Variants in PHF10 observed in about 807,000 individuals in gnomAD.
PHF10 encodes BRG1-associated factor 45a.
A neutral mutation model predicts 68.5 loss-of-function variants in PHF10; 51 were observed. That is an observed-to-expected ratio of 0.74 (90% confidence interval 0.59 to 0.94). The LOEUF is 0.94. Ranked by LOEUF, PHF10 falls within the 40% of genes least tolerant of loss-of-function variation. The pLI, the probability that PHF10 is intolerant of heterozygous loss-of-function variation, is 0.00. For synonymous variants in PHF10, 204 were observed against 203.5 expected (o/e 1.00, Z -0.02); for missense variants, 460 against 602.6 (o/e 0.76, Z 2.48).
chr6:169,720,216 T>C (rs555773864), intron 2 of PHF10, among the ~76,000 whole-genome samples: 2 of 152,294 alleles, frequency 1.3e-5, no homozygotes, highest in Admixed American at 1.3e-4. Flanking sequence ...CTGGTAGGAA[T>C]GTAAATTGGT....
chr6:169,707,541 A>G (rs866595961), intron 9 of PHF10: 30 of 152,096 alleles, frequency 2.0e-4, no homozygotes, highest in Admixed American at 1.8e-3. Flanking sequence ...TAAATACTCT[A>G]ATATCTTTCA....
chr6:169,708,740 TTC>T (rs1397913122), intron 9 of PHF10: 2 of 152,268 alleles, frequency 1.3e-5, no homozygotes, highest in South Asian at 4.1e-4. Flanking sequence ...TATTTCAATA[TTC>T]TCTCTTTTTA....
intron 2 of PHF10, among the ~76,000 whole-genome samples, chr6:169,719,922 T>C (rs936273104): frequency 1.3e-4 from 19 of 151,948 alleles, no homozygotes; most frequent in African/African-American, 3.9e-4. Context: ...GTGTAAATCA[T>C]ATTTTTGATG....
At chr6:169,713,002 A>T (rs1056012434) in intron 7 of PHF10, among the ~76,000 whole-genome samples, 1 of 152,232 alleles carries the variant, frequency 6.6e-6, no homozygotes, top group South Asian at 2.1e-4. Flanking sequence ...ATGGTACATG[A>T]TATTACTTAA....
At chr6:169,706,662 G>A (rs761074194) in intron 9 of PHF10, among the ~76,000 whole-genome samples, 55 of 150,374 alleles carry the variant, frequency 3.7e-4, no homozygotes, top group Non-Finnish European at 6.9e-4. Context: ...AAATAACAGT[G>A]GTAAAAAAGG....
At chr6:169,710,486 T>G in intron 8 of PHF10, 95 bp from the exon 9 acceptor site, 1 of 871,834 alleles carries the variant, frequency 1.1e-6, no homozygotes, top group Non-Finnish European at 1.8e-6. Context: ...AAGAAAGTTT[T>G]AAAGCTTTAT....
intron 11 of PHF10, chr6:169,704,298 G>A (rs1275577458): frequency 5.9e-6 from 3 of 505,616 alleles, no homozygotes; most frequent in Non-Finnish European, 1.1e-5. Flanking sequence ...GCAAGTCAAG[G>A]GGGATGGGAG....
At chr6:169,717,957 T>C (rs777841467) in intron 3 of PHF10, 51 bp from the exon 4 acceptor site, 11 of 797,444 alleles carry the variant, frequency 1.4e-5, no homozygotes, top group Middle Eastern at 5.4e-4. Flanking sequence ...CCTTATGCAC[T>C]TGTAAAACTT....
chr6:169,722,828 T>G (rs1180506622), intron 1 of PHF10, among the ~76,000 whole-genome samples: 1 of 152,218 alleles, frequency 6.6e-6, no homozygotes, highest in Non-Finnish European at 1.5e-5. Flanking sequence ...CATCACATCC[T>G]TCCTAGGGCT....
chr6:169,714,675 A>G, intron 7 of PHF10, 58 bp downstream of exon 7: 1 of 849,886 alleles, frequency 1.2e-6, no homozygotes. Context: ...CAAGTACAAA[A>G]GGCTCTGAAA....
intron 7 of PHF10, among the ~76,000 whole-genome samples, chr6:169,712,970 T>G (rs1425461265): frequency 6.6e-6 from 1 of 152,194 alleles, no homozygotes; most frequent in Non-Finnish European, 1.5e-5. Flanking sequence ...ACTTATTTAA[T>G]GCATACATAT....
rs1285066611 is a variant in PHF10, at chr6:169,721,012, C to G, written c.187G>C (p.Asp63His). ...SSRSCETSSQ[D>H]LGFSYYPAEN... Reference sequence around the variant, plus strand: ...CCGATAAAATGACAGTACCCAAGATCTTGACTTGAAGTTTCACAACTCCTA... The same window carrying G: ...CCGATAAAATGACAGTACCCAAGATGTTGACTTGAAGTTTCACAACTCCTA... The change falls in exon 2 of 12, where the codon GAT (aspartate) becomes CAT (histidine). Residue 63 changes from aspartate (D) to histidine (H), a missense_variant. Physicochemically the swap from Asp to His is moderately conservative, Grantham distance 81. This residue lies in a region of PHF10 where 93 missense variants were observed against 82.4 expected (regional missense o/e 1.13). Transcript: ENST00000339209. 5 of 1,528,720 alleles carry G rather than the reference C, an allele frequency of 3.3e-6. No individual in the cohort carries two copies. Among genetic ancestry groups the G allele is most frequent in the East Asian group, 4.9e-5 (2 of 40,818 alleles). The allele number at this position is 1,528,720 out of a possible 1,614,324, so 94.7% of individuals were successfully genotyped here.
chr6:169,712,668 T>C, intron 7 of PHF10, 129 bp from the exon 8 acceptor site: 1 of 655,068 alleles, frequency 1.5e-6, no homozygotes, highest in South Asian at 2.8e-5. Flanking sequence ...AGAGTACTAA[T>C]TTTTCATTTT....
chr6:169,711,280 T>A (rs575085081), intron 8 of PHF10, among the ~76,000 whole-genome samples: 3 of 152,328 alleles, frequency 2.0e-5, no homozygotes, highest in African/African-American at 7.2e-5. Flanking sequence ...GTGCATTTTC[T>A]CACAATCATT....
intron 9 of PHF10, among the ~76,000 whole-genome samples, chr6:169,706,736 AC>A: frequency 2.2e-5 from 1 of 44,784 alleles, no homozygotes; most frequent in Admixed American, 2.2e-4. Context: ...ATACACACAC[AC>A]ACACACACAC....
intron 2 of PHF10, 63 bp downstream of exon 2, chr6:169,720,942 A>G (rs909310120): frequency 8.7e-6 from 7 of 807,366 alleles, no homozygotes; most frequent in African/African-American, 5.1e-5. Flanking sequence ...GGGAAAGGGA[A>G]GAGGATGTTA....
intron 9 of PHF10, 79 bp from the exon 10 acceptor site, chr6:169,705,803 G>A: frequency 1.3e-6 from 1 of 790,670 alleles, no homozygotes; most frequent in Non-Finnish European, 2.2e-6. Context: ...TTACTTTATT[G>A]CCCTATTTTT....
In PHF10 at chr6:169,718,919, C is replaced by G; in HGVS notation, c.195-1G>C. 1.3e-6 allele frequency: 2 copies of G among 1,565,180 alleles called. No homozygotes were observed. The highest frequency in any genetic ancestry group is 1.8e-6 in the Non-Finnish European group (2 of 1,137,606). On this transcript the variant is annotated splice_acceptor_variant, in intron 2 of 11. Coordinates refer to ENST00000339209, the MANE Select transcript of PHF10 (RefSeq NM_018288.4). LOFTEE classifies it high-confidence loss of function. ...GTTTTCTGCTGGATAGTAACTAAAA[C>G]TAAGTACAGAAATACATATTATGCA...
intron 5 of PHF10, 37 bp downstream of exon 5, chr6:169,715,918 A>G: frequency 6.3e-7 from 1 of 1,596,278 alleles, no homozygotes; most frequent in Non-Finnish European, 8.5e-7. Flanking sequence ...ATTTTCCCCA[A>G]CCCAAATAAA....
Sources: gnomAD v4.1 joint callset for allele counts (sites outside exome capture counted in the v4.1 genomes callset) on GRCh38, gnomAD v4.1.1 for gene constraint, gnomAD v4.1.1 regional missense constraint, MANE v1.5 for transcripts, NCBI Gene and HGNC (gene_info 2026-07-23, HGNC 2026-07-21) for gene names.